The following MARCHF4 variants were observed in gnomAD, a reference collection of about 807,000 sequenced individuals.
The protein encoded by MARCHF4 is membrane associated ring-CH-type finger 4.
Under a neutral mutation model 43.9 loss-of-function variants are expected in MARCHF4, and 14 were observed. That is an observed-to-expected ratio of 0.32 (90% CI 0.21 to 0.50). MARCHF4 has a LOEUF of 0.50. MARCHF4 is among the 20% of genes least tolerant of loss of function. MARCHF4 has a pLI of 0.98. For synonymous variants in MARCHF4, 226 were observed against 213.3 expected (o/e 1.06, Z -0.52); for missense variants, 468 against 536.7 (o/e 0.87, Z 1.27).
Position 216,345,958 on chromosome 2 carries a change from T to C in MARCHF4, c.516+23787A>G, listed in dbSNP as rs1692314297. Among the ~76,000 whole-genome samples, 3 of 152,310 alleles carry C rather than the reference T, an allele frequency of 2.0e-5. No individual in the cohort carries two copies. In the South Asian group the frequency reaches 6.2e-4, roughly 32 times the overall value. ...AGCAGCCTGGCAAAGAGCTGATGTC[T>C]GCTTTTCCCTAGAGTGTGAAAACAG... On this transcript the variant is annotated intron_variant, in intron 1 of 3. Coordinates refer to ENST00000273067, the MANE Select transcript of MARCHF4 (RefSeq NM_020814.3).
intron 3 of MARCHF4, among the ~76,000 whole-genome samples, chr2:216,266,798 T>C (rs1007771664): frequency 1.3e-5 from 2 of 152,054 alleles, no homozygotes; most frequent in Non-Finnish European, 2.9e-5. Context: ...TTTGGGTGAG[T>C]TCAGGGGGTA....
Position 216,354,898 on chromosome 2 carries a change from T to TCTTTCTTTCTTTCTTTCTTC in MARCHF4, c.516+14846_516+14847insGAAGAAAGAAAGAAAGAAAG, listed in dbSNP as rs1491431037. On this transcript the variant is annotated intron_variant, in intron 1 of 3. Coordinates refer to ENST00000273067, the MANE Select transcript of MARCHF4 (RefSeq NM_020814.3). ...AAACTTATTTAATAATTGTTTTCTT[T>TCTTTCTTTCTTTCTTTCTTC]CTTTCTTTCTTTCTTTCTTTCTTTC... Among the ~76,000 whole-genome samples, 360 of 44,676 alleles carry TCTTTCTTTCTTTCTTTCTTC rather than the reference T, an allele frequency of 8.1e-3. 16 individuals are homozygous for TCTTTCTTTCTTTCTTTCTTC. Among genetic ancestry groups the TCTTTCTTTCTTTCTTTCTTC allele is most frequent in the Middle Eastern group, 0.016 (2 of 122 alleles). 29.3% of individuals were successfully genotyped at this position (44,676 alleles called of 152,430 possible).
intron 1 of MARCHF4, among the ~76,000 whole-genome samples, chr2:216,299,062 A>G (rs758534442): frequency 6.0e-5 from 9 of 150,834 alleles, no homozygotes; most frequent in Non-Finnish European, 1.3e-4. Flanking sequence ...CAACATCACC[A>G]CCACTGTGAT....
intron 3 of MARCHF4, among the ~76,000 whole-genome samples, chr2:216,272,345 A>G (rs904085255): frequency 3.3e-5 from 5 of 152,140 alleles, no homozygotes; most frequent in Non-Finnish European, 7.4e-5. Context: ...GAGATGCAAC[A>G]ATGGCTAACC....
At chr2:216,321,599 A>T (rs1691896284) in intron 1 of MARCHF4, 1 of 152,176 alleles carries the variant, frequency 6.6e-6, no homozygotes, top group Admixed American at 6.5e-5. Context: ...AATCTTGTTA[A>T]ATGGAGATGG....
intron 1 of MARCHF4, among the ~76,000 whole-genome samples, chr2:216,298,256 G>GT (rs559410456): frequency 0.021 from 1,426 of 66,776 alleles, 124 homozygotes; most frequent in Non-Finnish European, 0.029. Flanking sequence ...AGTCTTTTAG[G>GT]TTTTTTTTTT....
chr2:216,279,399 C>G (rs1691087973), intron 2 of MARCHF4, among the ~76,000 whole-genome samples: 1 of 152,166 alleles, frequency 6.6e-6, no homozygotes, highest in Non-Finnish European at 1.5e-5. Flanking sequence ...AGACTTTGTG[C>G]TTTGTCCTAA....
intron 1 of MARCHF4, among the ~76,000 whole-genome samples, chr2:216,300,502 C>A (rs1031083122): frequency 2.0e-5 from 3 of 151,758 alleles, no homozygotes; most frequent in East Asian, 1.9e-4. Context: ...TGCCACCACA[C>A]CCAGCTAAAT....
At chr2:216,368,782 C>T (rs1034019495) in intron 1 of MARCHF4, among the ~76,000 whole-genome samples, 1 of 152,194 alleles carries the variant, frequency 6.6e-6, no homozygotes, top group Admixed American at 6.5e-5. Context: ...ACTGCGTGAG[C>T]CTTTCTATCT....
intron 3 of MARCHF4, among the ~76,000 whole-genome samples, chr2:216,277,379 G>A (rs991195518): frequency 6.6e-6 from 1 of 152,230 alleles, no homozygotes; most frequent in East Asian, 1.9e-4. Context: ...CCTGCTTGAA[G>A]TACATAGACT....
intron 2 of MARCHF4, among the ~76,000 whole-genome samples, chr2:216,282,108 G>A (rs1034485447): frequency 1.1e-4 from 16 of 152,210 alleles, no homozygotes; most frequent in Non-Finnish European, 1.5e-4. Flanking sequence ...CAGCTGTCTC[G>A]TGACACTGCT....
rs924412065 is a variant in MARCHF4, at chr2:216,277,856, G to A, written c.681C>T (p.Ala227=). 1.2e-6 allele frequency: 2 copies of A among 1,609,874 alleles called. No homozygotes were observed. The highest frequency in any genetic ancestry group is 1.7e-6 in the Non-Finnish European group (2 of 1,176,552). ...ISTKNPLQWQ[A]ISLTVIEKVQ... is the part of the protein sequence containing the mutation. ...CCTTCTCAATGACCGTCAGAGAGAT[G>A]GCCTGCCACTGCAGGGGAGAGAGTG... The change falls in exon 3 of 4, where the codon GCC becomes GCT. Residue 227 remains alanine (A), a synonymous_variant. Transcript: ENST00000273067.
intron 1 of MARCHF4, among the ~76,000 whole-genome samples, chr2:216,349,236 A>G (rs1003828135): frequency 1.6e-4 from 25 of 152,254 alleles, no homozygotes; most frequent in African/African-American, 5.5e-4. Context: ...GGTTAAAAAC[A>G]TAAGTTTCAG....
intron 1 of MARCHF4, among the ~76,000 whole-genome samples, chr2:216,300,518 T>G (rs1691477913): frequency 1.3e-5 from 2 of 151,888 alleles, no homozygotes; most frequent in South Asian, 4.2e-4. Flanking sequence ...TAAATTTTTT[T>G]GTATATTTTA....
At chr2:216,264,408 C>G (rs1422860558) in intron 3 of MARCHF4, among the ~76,000 whole-genome samples, 3 of 152,246 alleles carry the variant, frequency 2.0e-5, no homozygotes, top group Non-Finnish European at 2.9e-5. Flanking sequence ...CTCTCACCCT[C>G]TCCCAGTTGT....
chr2:216,365,981 G>A (rs1366255196), intron 1 of MARCHF4, among the ~76,000 whole-genome samples: 2 of 152,154 alleles, frequency 1.3e-5, no homozygotes, highest in African/African-American at 4.8e-5. Flanking sequence ...TTATAAATCT[G>A]CAAGAAACAG....
At chr2:216,271,798 C>CT (rs796181433) in intron 3 of MARCHF4, among the ~76,000 whole-genome samples, 36 of 148,084 alleles carry the variant, frequency 2.4e-4, no homozygotes, top group Middle Eastern at 3.4e-3. Context: ...ATATTTCTTT[C>CT]TTTTTTTTTT....
chr2:216,320,675 CT>C lies in MARCHF4; in HGVS notation c.517-36947del, dbSNP rs749350936. Among the ~76,000 whole-genome samples, 89 of 33,094 alleles carry C rather than the reference CT, an allele frequency of 2.7e-3. 1 individual carries two copies. The highest frequency in any genetic ancestry group is 9.6e-3 in the African/African-American group (60 of 6,276). 21.7% of individuals were successfully genotyped at this position (33,094 alleles called of 152,430 possible). On this transcript the variant is annotated intron_variant, in intron 1 of 3. Coordinates refer to ENST00000273067, the MANE Select transcript of MARCHF4 (RefSeq NM_020814.3). ...TCTTTCTTTCTTTCTTTCTTTCTTT[CT>C]TTTTTTTTTTTTGAGATGGAGTCCC... is the stretch of plus-strand genomic sequence containing the variant.
At chr2:216,275,686 G>T (rs561232865) in intron 3 of MARCHF4, among the ~76,000 whole-genome samples, 5 of 152,284 alleles carry the variant, frequency 3.3e-5, no homozygotes, top group African/African-American at 1.2e-4. Flanking sequence ...GTGGTAGCAG[G>T]CATTTATGCT....
Sources: allele counts gnomAD v4.1 joint callset (sites outside exome capture counted in the v4.1 genomes callset), GRCh38; gene constraint gnomAD v4.1.1; transcripts MANE v1.5; gene names NCBI Gene and HGNC (gene_info 2026-07-23, HGNC 2026-07-21).